Variants in AVIL observed in about 807,000 individuals in gnomAD.
AVIL encodes the protein advillin.
Under a neutral mutation model 109.9 loss-of-function variants are expected in AVIL, and 78 were observed. The observed-to-expected ratio is 0.71, with a 90% CI of 0.59 to 0.86. AVIL has a LOEUF of 0.86. AVIL is among the 40% of genes least tolerant of loss of function. The pLI, the probability that AVIL is intolerant of heterozygous loss-of-function variation, is 0.00. For missense variants in AVIL, 892 were observed against 1,016.5 expected (o/e 0.88, Z 1.67); for synonymous variants, 367 against 379.1 (o/e 0.97, Z 0.37).
In AVIL at chr12:57,803,585, G is replaced by A. The variant is rs761403076; in HGVS notation, c.1756C>T (p.Gln586Ter). 1.5e-5 allele frequency: 25 copies of A among 1,614,112 alleles called. No individual in the cohort carries two copies. The highest frequency in any genetic ancestry group is 2.0e-5 in the Non-Finnish European group (24 of 1,180,020). The change falls in exon 15 of 20, where the codon CAG becomes TAG. Residue 586 changes from glutamine to a stop codon, truncating the protein, a stop_gained. Coordinates refer to ENST00000549994, the MANE Select transcript of AVIL (RefSeq NM_006576.4). LOFTEE classifies it high-confidence loss of function. ...DGSENTVAEG[Q>*]EPAEFWDLLG... ...AGGTCCCAGAACTCGGCTGGCTCCTGGCCCTCGGCCACAGTGTTCTCGCTG... is the reference window on the plus strand; with the variant it reads ...AGGTCCCAGAACTCGGCTGGCTCCTAGCCCTCGGCCACAGTGTTCTCGCTG...
chr12:57,816,821 G>T (rs1956106275), intron 1 of AVIL, among the ~76,000 whole-genome samples: 1 of 151,136 alleles, frequency 6.6e-6, no homozygotes, highest in African/African-American at 2.4e-5. Context: ...AAATGGCAGG[G>T]CTGGGCCTGG....
chr12:57,813,776 G>A (rs2140459748), intron 3 of AVIL, among the ~76,000 whole-genome samples: 1 of 152,302 alleles, frequency 6.6e-6, no homozygotes, highest in Middle Eastern at 3.4e-3. Context: ...ACACCTGCAC[G>A]ACCCTGTCAG....
At chr12:57,811,879 G>C (rs950653441) in intron 4 of AVIL, among the ~76,000 whole-genome samples, 1 of 152,218 alleles carries the variant, frequency 6.6e-6, no homozygotes, top group African/African-American at 2.4e-5. Flanking sequence ...TCCCTCTCTA[G>C]TGTTATGTGT....
intron 3 of AVIL, 59 bp from the exon 4 acceptor site, chr12:57,813,482 C>G: frequency 1.3e-6 from 2 of 1,530,530 alleles, no homozygotes; most frequent in Non-Finnish European, 1.8e-6. Flanking sequence ...TTGCTGCTGG[C>G]CCCTGTTATG....
At chr12:57,801,330 AG>A (rs1955843885) in intron 17 of AVIL, 118 bp from the exon 18 acceptor site, 5 of 768,214 alleles carry the variant, frequency 6.5e-6, no homozygotes, top group Admixed American at 2.7e-5. Flanking sequence ...AGACATTTCA[AG>A]GATAAGTAAA....
chr12:57,806,307 G>GTGCA (rs775358186), intron 14 of AVIL, 53 bp downstream of exon 14: 1 of 1,595,674 alleles, frequency 6.3e-7, no homozygotes, highest in South Asian at 1.1e-5. Context: ...GAGGAGGGGA[G>GTGCA]TGCAGGTCTG....
chr12:57,812,809 G>A (rs769930882), intron 4 of AVIL, among the ~76,000 whole-genome samples: 32 of 152,236 alleles, frequency 2.1e-4, no homozygotes, highest in African/African-American at 4.1e-4. Context: ...ATAATACTCC[G>A]TGGTGTGCAT....
At chr12:57,800,155 C>A in intron 18 of AVIL, 1 of 465,892 alleles carries the variant, frequency 2.1e-6, no homozygotes, top group Non-Finnish European at 3.8e-6. Flanking sequence ...CAAGGCAAGT[C>A]CTGTATAGCT....
At chr12:57,810,606 A>T in intron 6 of AVIL, 55 bp from the exon 7 acceptor site, 1 of 1,593,692 alleles carries the variant, frequency 6.3e-7, no homozygotes. Flanking sequence ...TTTCTGCCTG[A>T]TGTCTTTGGG....
At chr12:57,811,193 G>T in intron 4 of AVIL, 66 bp from the exon 5 acceptor site, 1 of 1,417,668 alleles carries the variant, frequency 7.1e-7, no homozygotes, top group Non-Finnish European at 9.9e-7. Flanking sequence ...AGACAGTGGT[G>T]AATTACACAG....
At chr12:57,808,722 A>C (rs1323483885) in intron 9 of AVIL, 174 bp from the exon 10 acceptor site, 1 of 722,964 alleles carries the variant, frequency 1.4e-6, no homozygotes, top group Non-Finnish European at 2.2e-6. Context: ...CTAAAAAAAA[A>C]ATGACTGAGT....
chr12:57,803,097 C>A, intron 16 of AVIL, 150 bp downstream of exon 16: 1 of 1,034,956 alleles, frequency 9.7e-7, no homozygotes, highest in South Asian at 1.7e-5. Flanking sequence ...AAAACCCGGG[C>A]TTTCTTTTGG....
At position 57,818,182 on chromosome 12, in the gene AVIL, C is replaced by CT. The variant is rs66731427; in HGVS notation, c.-20+446dup. ...CACAGGTGTGCACCACCATGCTTGG[C>CT]TTTTTTTTTTTTTTTTTTTTTTTTT... is the stretch of plus-strand genomic sequence containing the variant. On this transcript the variant is annotated intron_variant, in intron 1 of 19. Transcript: ENST00000549994. Among the ~76,000 whole-genome samples, 100 of 35,264 alleles carry CT rather than the reference C, an allele frequency of 2.8e-3. 25 individuals are homozygous for CT. The highest frequency in any genetic ancestry group is 3.9e-3 in the African/African-American group (42 of 10,830). The allele number at this position is 35,264 out of a possible 152,430, so 23.1% of individuals were successfully genotyped here.
At chr12:57,816,208 G>A in intron 1 of AVIL, 149 bp from the exon 2 acceptor site, 2 of 638,962 alleles carry the variant, frequency 3.1e-6, no homozygotes, top group South Asian at 4.0e-5. Flanking sequence ...CAATGATGGG[G>A]GCAAGGACTT....
At chr12:57,809,534 T>G in intron 9 of AVIL, 63 bp downstream of exon 9, 1 of 1,561,384 alleles carries the variant, frequency 6.4e-7, no homozygotes, top group Admixed American at 1.7e-5. Flanking sequence ...CTCTGTGGAG[T>G]GACACACCTG....
chr12:57,799,532 G>C (rs1352938788), intron 19 of AVIL, among the ~76,000 whole-genome samples: 1 of 152,248 alleles, frequency 6.6e-6, no homozygotes, highest in African/African-American at 2.4e-5. Context: ...TTGGATTGTA[G>C]TAAGTAGTCC....
intron 14 of AVIL, among the ~76,000 whole-genome samples, chr12:57,804,791 A>C (rs541516742): frequency 4.6e-5 from 7 of 152,020 alleles, no homozygotes; most frequent in Admixed American, 4.6e-4. Flanking sequence ...CCTGGGCGAC[A>C]GAATGAGACT....
In AVIL at chr12:57,807,382, C is replaced by T. The variant is rs749442772; in HGVS notation, c.1440G>A (p.Thr480=). Residue 480 remains threonine (T), a synonymous_variant, in exon 13 of 20, where the codon ACG becomes ACA. Transcript: ENST00000549994. The stretch of plus-strand genomic sequence containing the variant: ...AGATGGCCATGAAGTGGCGTGGCTC[C>T]GTTCCCATCCTGACTCGAACCTGCA... ...AAVQVRVRMG[T]EPRHFMAIFK... The T allele has an allele frequency of 2.8e-5, 45 of 1,614,104 alleles. No individual in the cohort carries two copies. In the East Asian group the frequency reaches 3.3e-4, roughly 12 times the overall value.
intron 14 of AVIL, 175 bp from the exon 15 acceptor site, chr12:57,803,844 A>T (rs893108887): frequency 2.7e-5 from 23 of 856,166 alleles, no homozygotes; most frequent in African/African-American, 2.0e-4. Flanking sequence ...GGAGGAAAAC[A>T]GTGTGGGGCA....
Sources: allele counts gnomAD v4.1 joint callset (sites outside exome capture counted in the v4.1 genomes callset), GRCh38; gene constraint gnomAD v4.1.1; transcripts MANE v1.5; gene names NCBI Gene and HGNC (gene_info 2026-07-23, HGNC 2026-07-21).